Variants in PCBP2 observed in about 807,000 individuals in gnomAD.
The protein encoded by PCBP2 is poly(rC)-binding protein 2.
PCBP2 carries 4 observed loss-of-function variants against 50.1 expected under a neutral mutation model. That is an observed-to-expected ratio of 0.08 (90% confidence interval 0.04 to 0.18). The LOEUF (loss-of-function observed/expected upper bound fraction) is 0.18. Ranked by LOEUF, PCBP2 falls within the 10% of genes least tolerant of loss-of-function variation. The pLI is 1.00. For missense variants in PCBP2, 161 were observed against 474.3 expected (o/e 0.34, Z 6.14); for synonymous variants, 179 against 168.0 (o/e 1.07, Z -0.51).
intron 6 of PCBP2, chr12:53,460,201 G>A (rs546400207): frequency 2.3e-5 from 5 of 214,410 alleles, no homozygotes; most frequent in African/African-American, 4.8e-5. Flanking sequence ...GGGCATAATC[G>A]TGATCATGGC....
chr12:53,467,606 C>G (rs1941909547), intron 11 of PCBP2, 199 bp from the exon 12 acceptor site: 3 of 627,254 alleles, frequency 4.8e-6, no homozygotes, highest in Non-Finnish European at 8.5e-6. Flanking sequence ...TTGATCTGAT[C>G]AGCACCCCCT....
chr12:53,466,379 T>G (rs1243262512), intron 10 of PCBP2, among the ~76,000 whole-genome samples: 1 of 152,196 alleles, frequency 6.6e-6, no homozygotes, highest in East Asian at 1.9e-4. Flanking sequence ...CTCCTCAATC[T>G]GAGATGACAA....
At chr12:53,463,493 T>A (rs573505072) in intron 8 of PCBP2, among the ~76,000 whole-genome samples, 430 of 152,270 alleles carry the variant, frequency 2.8e-3, no homozygotes, top group Admixed American at 4.8e-3. Context: ...AACAATAGAG[T>A]ATAACAAGTA....
At chr12:53,461,978 G>A (rs561902261) in intron 7 of PCBP2, among the ~76,000 whole-genome samples, 1 of 152,060 alleles carries the variant, frequency 6.6e-6, no homozygotes, top group South Asian at 2.1e-4. Context: ...CAAAGTACTG[G>A]TATTACCAGC....
At chr12:53,479,298 TG>T in intron 14 of PCBP2, 107 bp from the exon 15 acceptor site, 1 of 933,718 alleles carries the variant, frequency 1.1e-6, no homozygotes, top group Non-Finnish European at 1.8e-6. Context: ...ATGTCTCCCT[TG>T]GTACTCCAGC....
rs752019559 is a variant in PCBP2, at chr12:53,459,266, C to A, written c.244-6C>A. The A allele has an allele frequency of 1.1e-5, 18 of 1,595,356 alleles. No individual in the cohort carries two copies. Among genetic ancestry groups the A allele is most frequent in the Non-Finnish European group, 1.4e-5 (16 of 1,170,614 alleles). On this transcript the variant is annotated splice_polypyrimidine_tract_variant and splice_region_variant and intron_variant, in intron 5 of 14. Coordinates refer to ENST00000546463, the MANE Select transcript of PCBP2 (RefSeq NM_031989.5). Reference sequence around the variant, plus strand: ...CTGCTTATTGTGGTGTTCTTTCTTTCTGTAGGACATAAGCAGCTCTATGAC... The same window carrying A: ...CTGCTTATTGTGGTGTTCTTTCTTTATGTAGGACATAAGCAGCTCTATGAC...
chr12:53,453,069 AT>A (rs1940698263), intron 1 of PCBP2: 1 of 152,074 alleles, frequency 6.6e-6, no homozygotes, highest in African/African-American at 2.4e-5. Context: ...TAGCAGCTGG[AT>A]TGCTGGAATG....
intron 9 of PCBP2, chr12:53,465,069 T>C: frequency 4.6e-6 from 2 of 432,936 alleles, no homozygotes; most frequent in Admixed American, 9.1e-5. Flanking sequence ...ATTTTTTTTT[T>C]GTTCAACCCC....
rs999168597 is a variant in PCBP2, at chr12:53,471,550, T to C, written c.883-88T>C. 144 of 1,250,998 alleles carry C rather than the reference T, an allele frequency of 1.2e-4. No individual in the cohort carries two copies. The Middle Eastern group carries it at 1.7e-3, about 15-fold the overall frequency. 77.5% of individuals were successfully genotyped at this position (1,250,998 alleles called of 1,614,324 possible). The stretch of plus-strand genomic sequence containing the variant: ...CCACTGCACTCCAGCCTGGCCACAG[T>C]CGTAGGATTTGGGGTGGGGGGGTGG... On this transcript the variant is annotated intron_variant, in intron 13 of 14. Coordinates refer to ENST00000546463, the MANE Select transcript of PCBP2 (RefSeq NM_031989.5).
chr12:53,477,991 C>T (rs1411930027), intron 14 of PCBP2, among the ~76,000 whole-genome samples: 2 of 152,170 alleles, frequency 1.3e-5, no homozygotes, highest in Non-Finnish European at 2.9e-5. Flanking sequence ...TGCTGCCTAC[C>T]TACCTACCAG....
At position 53,454,694 on chromosome 12, in the gene PCBP2, C is replaced by T. The variant is rs1357128652; in HGVS notation, c.-75-32C>T. ...GGGAAATAATAACCTTGTTGTTTTC[C>T]TCCTCTGATTTTGGTCATGTTTGCA... is the stretch of plus-strand genomic sequence containing the variant. On this transcript the variant is annotated intron_variant, in intron 1 of 14. Transcript: ENST00000546463. 3.4e-5 allele frequency: 26 copies of T among 755,190 alleles called. No homozygotes were observed. The East Asian group carries it at 5.0e-4, about 14-fold the overall frequency. 46.8% of individuals were successfully genotyped at this position (755,190 alleles called of 1,614,324 possible).
chr12:53,461,171 G>A (rs763092426), intron 7 of PCBP2, 28 bp downstream of exon 7: 1 of 1,610,594 alleles, frequency 6.2e-7, no homozygotes, highest in African/African-American at 1.3e-5. Context: ...TGCTGAAAAT[G>A]GGGGGAGGGC....
chr12:53,468,615 C>T, intron 12 of PCBP2, 162 bp from the exon 13 acceptor site: 2 of 630,392 alleles, frequency 3.2e-6, no homozygotes, highest in Non-Finnish European at 2.8e-6. Flanking sequence ...CTACACCCTT[C>T]TCCCCCACTC....
intron 13 of PCBP2, among the ~76,000 whole-genome samples, chr12:53,469,632 A>G (rs989115734): frequency 1.3e-5 from 2 of 152,138 alleles, no homozygotes; most frequent in Non-Finnish European, 2.9e-5. Flanking sequence ...AGGCTAAGGT[A>G]GGAGAATTGC....
In PCBP2 at chr12:53,471,821, A is replaced by C; in HGVS notation, c.1052+14A>C. The C allele has an allele frequency of 4.4e-6, 7 of 1,606,944 alleles. No homozygotes were observed. The highest frequency in any genetic ancestry group is 5.9e-6 in the Non-Finnish European group (7 of 1,176,594). ...AATCAATGTCAGGTAAGATTGCTCTACCTTTTGTCTTATTTATGCCAACAC... is the reference window on the plus strand; with the variant it reads ...AATCAATGTCAGGTAAGATTGCTCTCCCTTTTGTCTTATTTATGCCAACAC... On this transcript the variant is annotated intron_variant, in intron 14 of 14. Transcript: ENST00000546463.
At chr12:53,470,037 C>T (rs557830568) in intron 13 of PCBP2, among the ~76,000 whole-genome samples, 1 of 151,894 alleles carries the variant, frequency 6.6e-6, no homozygotes, top group African/African-American at 2.4e-5. Flanking sequence ...TGAGCCACTG[C>T]GTCCAGCCTG....
chr12:53,472,011 G>T (rs577442071), intron 14 of PCBP2, among the ~76,000 whole-genome samples: 12 of 148,538 alleles, frequency 8.1e-5, no homozygotes, highest in African/African-American at 2.7e-4. Context: ...TGGTGGGGGG[G>T]GGAGCACAGA....
At chr12:53,455,799 T>A in intron 4 of PCBP2, 86 bp from the exon 5 acceptor site, 1 of 880,500 alleles carries the variant, frequency 1.1e-6, no homozygotes, top group Non-Finnish European at 1.9e-6. Context: ...ATCATGTACA[T>A]TGGCAGTCTT....
At chr12:53,468,295 G>C (rs1466658001) in intron 12 of PCBP2, 2 of 193,784 alleles carry the variant, frequency 1.0e-5, no homozygotes, top group African/African-American at 4.7e-5. Flanking sequence ...AGGAGAATAG[G>C]GGGTGGAGGG....
Sources: allele counts gnomAD v4.1 joint callset (sites outside exome capture counted in the v4.1 genomes callset), GRCh38; gene constraint gnomAD v4.1.1; transcripts MANE v1.5; gene names NCBI Gene and HGNC (gene_info 2026-07-23, HGNC 2026-07-21).